NKAIN2: variants seen among roughly 807,000 people sequenced by gnomAD.
NKAIN2 encodes the protein sodium/potassium transporting ATPase interacting 2, also known as sodium/potassium-transporting ATPase subunit beta-1-interacting protein 2.
Under a neutral mutation model 32.6 loss-of-function variants are expected in NKAIN2, and 14 were observed. The ratio of observed to expected loss-of-function variants is 0.43; its 90% CI spans 0.28 to 0.67. NKAIN2 has a LOEUF of 0.67. NKAIN2 is among the 30% of genes least tolerant of loss of function. The pLI, the probability that NKAIN2 is intolerant of heterozygous loss-of-function variation, is 0.17. For missense variants in NKAIN2, 198 were observed against 258.3 expected (o/e 0.77, Z 1.60); for synonymous variants, 80 against 87.2 (o/e 0.92, Z 0.46).
At position 123,804,397 on chromosome 6, in the gene NKAIN2, G is replaced by A. The variant is rs1047919379; in HGVS notation, c.54+143G>A. 5 of 741,256 alleles carry A rather than the reference G, an allele frequency of 6.7e-6. No individual in the cohort carries two copies. In the African/African-American group the frequency reaches 8.6e-5, roughly 13 times the overall value. The allele number at this position is 741,256 out of a possible 1,614,324, so 45.9% of individuals were successfully genotyped here. A position where few individuals can be genotyped will look rare whatever the true frequency, so the allele number is the denominator to read the frequency against. On this transcript the variant is annotated intron_variant, in intron 1 of 6. Coordinates refer to ENST00000368417, the MANE Select transcript of NKAIN2 (RefSeq NM_001040214.3). ...CAGATATATTGCCTATATTGAAGAT[G>A]ATTTCAGGGAGACGCACTCTGGGGT...
In NKAIN2 at chr6:124,399,892, T is replaced by C. The variant is rs148734761; in HGVS notation, c.273+44545T>C. On this transcript the variant is annotated intron_variant, in intron 3 of 6. Transcript: ENST00000368417. The stretch of plus-strand genomic sequence containing the variant: ...GTGACGATCAGTGAATTCATTTATT[T>C]ATGCTTTTACTATTTCTATGAATGA... Among the ~76,000 whole-genome samples the C allele has an allele frequency of 4.9e-3, 745 of 152,328 alleles. 7 individuals are homozygous for C. Among genetic ancestry groups the C allele is most frequent in the African/African-American group, 0.017 (702 of 41,582 alleles).
chr6:123,966,690 A>T (rs1050345608), intron 1 of NKAIN2, among the ~76,000 whole-genome samples: 2 of 152,188 alleles, frequency 1.3e-5, no homozygotes, highest in African/African-American at 4.8e-5. Context: ...TGTAGCAAAA[A>T]CACCAGACAA....
chr6:124,186,214 GAA>G (rs1789730731), intron 1 of NKAIN2, among the ~76,000 whole-genome samples: 2 of 120,796 alleles, frequency 1.7e-5, no homozygotes, highest in African/African-American at 1.1e-4. Flanking sequence ...AGGAAAGAAG[GAA>G]GGAAGGAAGG....
intron 4 of NKAIN2, among the ~76,000 whole-genome samples, chr6:124,661,419 C>G (rs1387622115): frequency 6.6e-6 from 1 of 152,168 alleles, no homozygotes; most frequent in South Asian, 2.1e-4. Context: ...CCTCATTCAG[C>G]CTTTCTTTCA....
intron 1 of NKAIN2, among the ~76,000 whole-genome samples, chr6:123,823,958 A>G (rs1404230200): frequency 6.6e-6 from 1 of 152,200 alleles, no homozygotes; most frequent in Non-Finnish European, 1.5e-5. Flanking sequence ...AACACATAGC[A>G]TATTCTTTAA....
At chr6:124,410,652 C>G (rs1774118353) in intron 3 of NKAIN2, among the ~76,000 whole-genome samples, 4 of 152,134 alleles carry the variant, frequency 2.6e-5, no homozygotes, top group Admixed American at 1.3e-4. Context: ...TGGTGTGGTG[C>G]TGAAAAGAAT....
At chr6:124,038,773 T>G (rs544612350) in intron 1 of NKAIN2, among the ~76,000 whole-genome samples, 3 of 152,090 alleles carry the variant, frequency 2.0e-5, no homozygotes, top group Non-Finnish European at 4.4e-5. Context: ...ACCCAAGAAG[T>G]TTCATTTTAA....
At chr6:124,238,991 C>T (rs1017349133) in intron 1 of NKAIN2, among the ~76,000 whole-genome samples, 1 of 151,930 alleles carries the variant, frequency 6.6e-6, no homozygotes, top group African/African-American at 2.4e-5. Context: ...GAGTCAAGAC[C>T]CATTGGTGTG....
chr6:124,499,823 GTTT>G (rs1405199787), intron 3 of NKAIN2, among the ~76,000 whole-genome samples: 14 of 152,208 alleles, frequency 9.2e-5, no homozygotes, highest in African/African-American at 3.4e-4. Context: ...CTGCTTTCAA[GTTT>G]GGGGGCATTA....
At position 124,514,251 on chromosome 6, in the gene NKAIN2, C is replaced by T. The variant is rs564810463; in HGVS notation, c.274-143935C>T. On this transcript the variant is annotated intron_variant, in intron 3 of 6. Transcript: ENST00000368417. Reference sequence around the variant, plus strand: ...GCCACTGTTGGAGGTTTTGAGTCCCCTAAGATTTAGAGAAATCAGTTTTTG... The same window carrying T: ...GCCACTGTTGGAGGTTTTGAGTCCCTTAAGATTTAGAGAAATCAGTTTTTG... 6.6e-5 allele frequency among the ~76,000 whole-genome samples: 10 copies of T among 152,124 alleles called. 1 individual carries two copies. The South Asian group carries it at 2.1e-3, about 32-fold the overall frequency.
chr6:124,436,037 A>G (rs1775428578), intron 3 of NKAIN2, among the ~76,000 whole-genome samples: 1 of 152,194 alleles, frequency 6.6e-6, no homozygotes, highest in Admixed American at 6.5e-5. Flanking sequence ...ACCCCAATAT[A>G]GAGAATTAAA....
intron 2 of NKAIN2, among the ~76,000 whole-genome samples, chr6:124,303,114 T>C (rs901430825): frequency 3.0e-4 from 45 of 152,188 alleles, no homozygotes; most frequent in African/African-American, 8.2e-4. Context: ...TGAACACTAT[T>C]AGAGAACTTT....
At chr6:124,581,276 A>C (rs898818336) in intron 3 of NKAIN2, among the ~76,000 whole-genome samples, 8 of 151,688 alleles carry the variant, frequency 5.3e-5, no homozygotes, top group African/African-American at 1.9e-4. Context: ...CGTCTCTACT[A>C]AAAATACAAA....
intron 1 of NKAIN2, among the ~76,000 whole-genome samples, chr6:124,122,244 A>G (rs1785919074): frequency 6.6e-6 from 1 of 152,094 alleles, no homozygotes; most frequent in Non-Finnish European, 1.5e-5. Flanking sequence ...TTTTTGATAT[A>G]AAGTTGAGAT....
chr6:123,989,132 C>T (rs1779302612), intron 1 of NKAIN2, among the ~76,000 whole-genome samples: 1 of 152,036 alleles, frequency 6.6e-6, no homozygotes, highest in South Asian at 2.1e-4. Flanking sequence ...GAGGATGTTC[C>T]ATTGGCATAT....
At chr6:124,645,814 G>A (rs1487573204) in intron 3 of NKAIN2, among the ~76,000 whole-genome samples, 1 of 152,110 alleles carries the variant, frequency 6.6e-6, no homozygotes, top group Non-Finnish European at 1.5e-5. Context: ...CCAGTGTTGG[G>A]AATTCTCTTT....
intron 3 of NKAIN2, among the ~76,000 whole-genome samples, chr6:124,458,428 G>A (rs575752558): frequency 6.6e-6 from 1 of 151,890 alleles, no homozygotes; most frequent in Admixed American, 6.6e-5. Context: ...GTATTAGATG[G>A]AAGTAGTAGC....
chr6:124,363,130 C>T (rs1799365836), intron 3 of NKAIN2, among the ~76,000 whole-genome samples: 1 of 152,104 alleles, frequency 6.6e-6, no homozygotes, highest in South Asian at 2.1e-4. Context: ...CCACCACGCT[C>T]AGCCAGAATT....
intron 1 of NKAIN2, among the ~76,000 whole-genome samples, chr6:124,069,501 T>C (rs1783340334): frequency 6.6e-6 from 1 of 152,036 alleles, no homozygotes; most frequent in East Asian, 1.9e-4. Flanking sequence ...AGCAGCCTCA[T>C]TCTGTTTTTA....
Sources: allele counts gnomAD v4.1 joint callset (sites outside exome capture counted in the v4.1 genomes callset), GRCh38; gene constraint gnomAD v4.1.1; transcripts MANE v1.5; gene names NCBI Gene and HGNC (gene_info 2026-07-23, HGNC 2026-07-21).